The following MYO6 variants were observed in gnomAD, a reference collection of about 807,000 sequenced individuals.
The protein encoded by MYO6 is myosin VI, also known as unconventional myosin-VI.
In MYO6, 74 loss-of-function variants were observed where a neutral mutation model predicts 178.7. The ratio of observed to expected loss-of-function variants is 0.41; its 90% confidence interval spans 0.34 to 0.50. The LOEUF (loss-of-function observed/expected upper bound fraction) is 0.50, where lower values mean the gene tolerates loss of function less well. MYO6 is among the 20% of genes least tolerant of loss of function. MYO6 has a pLI of 0.09. For synonymous variants in MYO6, 477 were observed against 504.6 expected (o/e 0.95, Z 0.73); for missense variants, 1,330 against 1,547.4 (o/e 0.86, Z 2.36).
At chr6:75,896,927 A>G (rs1207157317) in intron 29 of MYO6, among the ~76,000 whole-genome samples, 1 of 152,250 alleles carries the variant, frequency 6.6e-6, no homozygotes, top group East Asian at 1.9e-4. Context: ...AATCAGAAGG[A>G]AGAAAGCACC....
chr6:75,895,888 T>C (rs941021561), intron 29 of MYO6, among the ~76,000 whole-genome samples: 1 of 152,110 alleles, frequency 6.6e-6, no homozygotes, highest in Non-Finnish European at 1.5e-5. Context: ...GCATAAATAA[T>C]AATAAAATAT....
chr6:75,761,134 C>A (rs553009973), intron 1 of MYO6, among the ~76,000 whole-genome samples: 1 of 152,002 alleles, frequency 6.6e-6, no homozygotes. Context: ...ATGAGAAGAA[C>A]GAAGAAAATA....
chr6:75,916,022 T>G lies in MYO6; in HGVS notation c.*1010T>G, dbSNP rs1236081717. 6.6e-6 allele frequency: 1 copy of G among 152,596 alleles called. No individual in the cohort carries two copies. Among genetic ancestry groups the G allele is most frequent in the Non-Finnish European group, 1.5e-5 (1 of 68,030 alleles). The allele number at this position is 152,596 out of a possible 1,614,324, so 9.5% of individuals were successfully genotyped here. ...CATAAGCTTTGTAATTCAGAAATCC[T>G]TGTATTTAGTAAGTGCTTGTTTTAC... On this transcript the variant is annotated 3_prime_UTR_variant, in exon 35 of 35. Coordinates refer to ENST00000369977, the MANE Select transcript of MYO6 (RefSeq NM_004999.4).
At chr6:75,797,282 G>A (rs937561805) in intron 1 of MYO6, among the ~76,000 whole-genome samples, 3 of 151,996 alleles carry the variant, frequency 2.0e-5, no homozygotes, top group South Asian at 2.1e-4. Flanking sequence ...TAGTAGAGAC[G>A]GGGTTTCTTC....
At chr6:75,785,924 A>AT (rs996920452) in intron 1 of MYO6, among the ~76,000 whole-genome samples, 39 of 150,846 alleles carry the variant, frequency 2.6e-4, no homozygotes, top group African/African-American at 4.9e-4. Context: ...AATTAAAACA[A>AT]TTTTTTTTTG....
At chr6:75,835,828 T>A in intron 6 of MYO6, 73 bp from the exon 7 acceptor site, 2 of 830,386 alleles carry the variant, frequency 2.4e-6, no homozygotes, top group Non-Finnish European at 4.2e-6. Flanking sequence ...CAGTTTTATA[T>A]GTACTAGATA....
chr6:75,913,113 C>T (rs1780887759), intron 33 of MYO6, among the ~76,000 whole-genome samples: 1 of 152,124 alleles, frequency 6.6e-6, no homozygotes, highest in South Asian at 2.1e-4. Context: ...AGACTCTTAA[C>T]TGAGCTGCTG....
At chr6:75,904,712 CCTT>C (rs1780126101) in intron 30 of MYO6, among the ~76,000 whole-genome samples, 1 of 152,282 alleles carries the variant, frequency 6.6e-6, no homozygotes, top group Admixed American at 6.5e-5. Flanking sequence ...TCGTCTGAAG[CCTT>C]CTTCTCTCAG....
intron 1 of MYO6, among the ~76,000 whole-genome samples, chr6:75,794,133 A>T (rs1768534515): frequency 6.6e-6 from 1 of 152,202 alleles, no homozygotes; most frequent in African/African-American, 2.4e-5. Context: ...CGGTGGAATA[A>T]AGGGATAAAT....
chr6:75,834,441 C>T (rs1334097202), intron 6 of MYO6, among the ~76,000 whole-genome samples: 1 of 152,078 alleles, frequency 6.6e-6, no homozygotes, highest in Non-Finnish European at 1.5e-5. Context: ...CTATGTTGTC[C>T]AGGCTGGTGT....
Position 75,915,034 on chromosome 6 carries a change from G to C in MYO6, c.*22G>C. On this transcript the variant is annotated 3_prime_UTR_variant, in exon 35 of 35. Coordinates refer to ENST00000369977, the MANE Select transcript of MYO6 (RefSeq NM_004999.4). ...GTAGATGTTGCACACCAGCCTTACA[G>C]CTGGGAGCCTTTGCCATGGTACTTA... 6.2e-7 allele frequency: 1 copy of C among 1,601,812 alleles called. No individual in the cohort carries two copies. The highest frequency in any genetic ancestry group is 2.2e-5 in the East Asian group (1 of 44,576).
At chr6:75,835,476 G>C (rs1014967076) in intron 6 of MYO6, among the ~76,000 whole-genome samples, 1 of 152,094 alleles carries the variant, frequency 6.6e-6, no homozygotes. Context: ...CTGTCGCCCA[G>C]GCTGGAGTGC....
intron 20 of MYO6, among the ~76,000 whole-genome samples, chr6:75,877,657 G>A (rs560737552): frequency 1.3e-5 from 2 of 152,112 alleles, no homozygotes; most frequent in East Asian, 3.9e-4. Context: ...CCTTGGGGCT[G>A]TGCTGCCTGT....
intron 30 of MYO6, among the ~76,000 whole-genome samples, chr6:75,904,339 A>G (rs1780086744): frequency 1.3e-5 from 2 of 151,356 alleles, no homozygotes; most frequent in Admixed American, 1.3e-4. Flanking sequence ...ACTTGGTTCC[A>G]TTCTCCCCGT....
At chr6:75,779,555 A>G (rs1482203616) in intron 1 of MYO6, among the ~76,000 whole-genome samples, 1 of 152,108 alleles carries the variant, frequency 6.6e-6, no homozygotes, top group African/African-American at 2.4e-5. Context: ...GCATTTTGAG[A>G]CAGCATATCT....
chr6:75,874,137 T>A (rs982039435), intron 20 of MYO6, among the ~76,000 whole-genome samples: 1 of 152,190 alleles, frequency 6.6e-6, no homozygotes, highest in Non-Finnish European at 1.5e-5. Flanking sequence ...TTCATTTAAA[T>A]AAACCCCTTC....
In MYO6 at chr6:75,898,285, T is replaced by C. The variant is rs906977335; in HGVS notation, c.3138-88T>C. 15 of 850,230 alleles carry C rather than the reference T, an allele frequency of 1.8e-5. 1 individual carries two copies. The East Asian group carries it at 3.1e-4, about 17-fold the overall frequency. 52.7% of individuals were successfully genotyped at this position (850,230 alleles called of 1,614,324 possible). On this transcript the variant is annotated intron_variant, in intron 29 of 34. Transcript: ENST00000369977. Reference sequence around the variant, plus strand: ...CAGTTGTTAAATAATATTGAAAATATATATTTTAATTATACTTTTAGATCT... The same window carrying C: ...CAGTTGTTAAATAATATTGAAAATACATATTTTAATTATACTTTTAGATCT...
At chr6:75,803,674 G>T (rs188363614) in intron 1 of MYO6, among the ~76,000 whole-genome samples, 1 of 152,194 alleles carries the variant, frequency 6.6e-6, no homozygotes, top group East Asian at 1.9e-4. Flanking sequence ...TATTGTTAAT[G>T]TTCAGATATT....
intron 30 of MYO6, among the ~76,000 whole-genome samples, chr6:75,907,258 AT>A (rs752995408): frequency 1.3e-4 from 20 of 152,124 alleles, no homozygotes; most frequent in Non-Finnish European, 2.8e-4. Context: ...TTCTTTCTTG[AT>A]TTTGAGGAAT....
Sources: gnomAD v4.1 joint callset for allele counts (sites outside exome capture counted in the v4.1 genomes callset) on GRCh38, gnomAD v4.1.1 for gene constraint, MANE v1.5 for transcripts, NCBI Gene and HGNC (gene_info 2026-07-23, HGNC 2026-07-21) for gene names.